The following CCDC85C variants were observed in gnomAD, a reference collection of about 807,000 sequenced individuals.
The protein encoded by CCDC85C is coiled-coil domain containing 85C.
A neutral mutation model predicts 38.3 loss-of-function variants in CCDC85C; 18 were observed. The ratio of observed to expected loss-of-function variants is 0.47; its 90% confidence interval spans 0.33 to 0.70. The LOEUF is 0.70. CCDC85C is among the 30% of genes least tolerant of loss of function. The probability of loss-of-function intolerance (pLI) is 0.03; values close to 1 mark genes in which losing one functional copy is unlikely to be tolerated. For synonymous variants in CCDC85C, 264 were observed against 293.8 expected (o/e 0.90, Z 1.04); for missense variants, 566 against 621.2 (o/e 0.91, Z 0.94).
chr14:99,510,410 C>T lies in CCDC85C; in HGVS notation c.*4836G>A. 6.4e-7 allele frequency: 1 copy of T among 1,554,092 alleles called. No individual in the cohort carries two copies. The highest frequency in any genetic ancestry group is 8.7e-7 in the Non-Finnish European group (1 of 1,149,832). On this transcript the variant is annotated 3_prime_UTR_variant, in exon 6 of 6. Transcript: ENST00000380243. The stretch of plus-strand genomic sequence containing the variant: ...CCATGATGAAGACCGAGGGACCCTC[C>T]TACGGTGCCCTGCCCCCCGCCTACG...
intron 1 of CCDC85C, among the ~76,000 whole-genome samples, chr14:99,566,997 C>A (rs1898228213): frequency 6.6e-6 from 1 of 152,194 alleles, no homozygotes; most frequent in Non-Finnish European, 1.5e-5. Context: ...GCTCCAGCCT[C>A]AAGAGGGCCC....
rs573818252 is a variant in CCDC85C at position 99,587,956 on chromosome 14, C to T, written c.793+15211G>A. Among the ~76,000 whole-genome samples, 201 of 152,334 alleles carry T rather than the reference C, an allele frequency of 1.3e-3. 1 individual carries two copies. Among genetic ancestry groups the T allele is most frequent in the African/African-American group, 4.5e-3 (187 of 41,572 alleles). On this transcript the variant is annotated intron_variant, in intron 1 of 5. Transcript: ENST00000380243. Reference sequence around the variant, plus strand: ...TGGCCAGCTTCTGCATCCCTGTTCTCGTGGAGAACGTGGCAAGCTCCAGTC... The same window carrying T: ...TGGCCAGCTTCTGCATCCCTGTTCTTGTGGAGAACGTGGCAAGCTCCAGTC...
At chr14:99,553,833 G>C (rs970935136) in intron 1 of CCDC85C, among the ~76,000 whole-genome samples, 1 of 152,210 alleles carries the variant, frequency 6.6e-6, no homozygotes, top group Non-Finnish European at 1.5e-5. Flanking sequence ...GAGGCTGAGG[G>C]CAGGGTCCAC....
At chr14:99,582,687 G>A (rs1344417120) in intron 1 of CCDC85C, among the ~76,000 whole-genome samples, 1 of 152,166 alleles carries the variant, frequency 6.6e-6, no homozygotes, top group South Asian at 2.1e-4. Context: ...GGTGGCGCAC[G>A]CCTGTAATCC....
chr14:99,589,891 C>A (rs574977611), intron 1 of CCDC85C, among the ~76,000 whole-genome samples: 1 of 152,356 alleles, frequency 6.6e-6, no homozygotes, highest in African/African-American at 2.4e-5. Context: ...GTGACCCCCT[C>A]CACCGCAGCC....
At chr14:99,534,896 C>T (rs941841733) in intron 2 of CCDC85C, 4 of 600,134 alleles carry the variant, frequency 6.7e-6, no homozygotes, top group East Asian at 5.6e-5. Context: ...TGTGCACTTG[C>T]GCCTGTATGG....
At position 99,603,900 on chromosome 14, in the gene CCDC85C, G is replaced by A. The variant is rs781185840; in HGVS notation, c.60C>T (p.Asp20=). ...AASEELSQVP[D]EELLRWSKEE... is the part of the protein sequence containing the mutation. ...CCTTGCTCCAGCGCAGCAGCTCCTC[G>A]TCCGGCACCTGGCTCAGCTCCTCCG... Residue 20 remains aspartate (D), a synonymous_variant, in exon 1 of 6, where the codon GAC becomes GAT. Transcript: ENST00000380243. This position sits in a 1 kb window ranked among gnomAD's most constrained non-coding sequence, Gnocchi z 7.5. The A allele has an allele frequency of 9.4e-6, 14 of 1,488,700 alleles. No homozygotes were observed. The South Asian group carries it at 1.8e-4, about 19-fold the overall frequency. 92.2% of individuals were successfully genotyped at this position (1,488,700 alleles called of 1,614,324 possible).
At chr14:99,518,884 C>T (rs1048599151) in intron 3 of CCDC85C, among the ~76,000 whole-genome samples, 6 of 152,222 alleles carry the variant, frequency 3.9e-5, no homozygotes, top group East Asian at 1.9e-4. Flanking sequence ...GGGCATGGCC[C>T]GGGATCCTGA....
intron 1 of CCDC85C, among the ~76,000 whole-genome samples, chr14:99,546,310 C>T (rs1897807513): frequency 6.6e-6 from 1 of 151,720 alleles, no homozygotes; most frequent in Non-Finnish European, 1.5e-5. Context: ...AGTGGGGAGG[C>T]GTGGGAGGGG....
Position 99,518,065 on chromosome 14 carries a change from C to T in CCDC85C, c.976-882G>A, listed in dbSNP as rs558979240. ...GGCCAACCATGGAAGCTGAGTCTGCCGCCCTCTCTGTAAATGGGGCCCTGA... is the reference window on the plus strand; with the variant it reads ...GGCCAACCATGGAAGCTGAGTCTGCTGCCCTCTCTGTAAATGGGGCCCTGA... On this transcript the variant is annotated intron_variant, in intron 3 of 5. Transcript: ENST00000380243. 2.4e-3 allele frequency among the ~76,000 whole-genome samples: 372 copies of T among 152,270 alleles called. 1 individual carries two copies. The highest frequency in any genetic ancestry group is 8.7e-3 in the African/African-American group (361 of 41,544).
intron 2 of CCDC85C, among the ~76,000 whole-genome samples, chr14:99,527,042 G>T (rs1897399003): frequency 6.6e-6 from 1 of 152,208 alleles, no homozygotes; most frequent in Non-Finnish European, 1.5e-5. Context: ...CAGGGCAGGG[G>T]TCAGGGCTGT....
At chr14:99,575,271 T>C (rs1244847578) in intron 1 of CCDC85C, among the ~76,000 whole-genome samples, 1 of 152,020 alleles carries the variant, frequency 6.6e-6, no homozygotes, top group Non-Finnish European at 1.5e-5. Flanking sequence ...GCCAGGGGAG[T>C]GCCAAGGCCC....
At chr14:99,579,724 G>C (rs1281496580) in intron 1 of CCDC85C, among the ~76,000 whole-genome samples, 1 of 152,120 alleles carries the variant, frequency 6.6e-6, no homozygotes, top group Non-Finnish European at 1.5e-5. Context: ...AGGCCTGGGG[G>C]AGTCCAGGGC....
At chr14:99,541,580 A>G (rs1262831422) in intron 1 of CCDC85C, among the ~76,000 whole-genome samples, 1 of 151,956 alleles carries the variant, frequency 6.6e-6, no homozygotes, top group Non-Finnish European at 1.5e-5. Flanking sequence ...AGGGGTGTCC[A>G]CTCTGCCGGT....
chr14:99,600,538 G>C (rs1488462323), intron 1 of CCDC85C, among the ~76,000 whole-genome samples: 1 of 152,188 alleles, frequency 6.6e-6, no homozygotes, highest in East Asian at 1.9e-4. Context: ...CAGCAAACAT[G>C]ACAACAGACC....
At chr14:99,585,412 C>A (rs8015386) in intron 1 of CCDC85C, among the ~76,000 whole-genome samples, 131,719 of 152,158 alleles carry the variant, frequency 0.87, 58,160 homozygotes, top group Non-Finnish European at 0.96. Context: ...GTCAAACCCC[C>A]GCTCTGCCGC....
intron 1 of CCDC85C, among the ~76,000 whole-genome samples, chr14:99,540,422 C>CG (rs1242007874): frequency 6.6e-6 from 1 of 152,174 alleles, no homozygotes; most frequent in East Asian, 1.9e-4. Flanking sequence ...GCCGGCTCCC[C>CG]GGGAGGACTG....
At chr14:99,549,962 A>G (rs1159319385) in intron 1 of CCDC85C, among the ~76,000 whole-genome samples, 1 of 152,212 alleles carries the variant, frequency 6.6e-6, no homozygotes, top group Non-Finnish European at 1.5e-5. Context: ...TGTTCAGAAG[A>G]GGCAGTGTAG....
intron 1 of CCDC85C, among the ~76,000 whole-genome samples, chr14:99,536,920 C>T (rs951239009): frequency 1.3e-5 from 2 of 152,220 alleles, no homozygotes; most frequent in African/African-American, 4.8e-5. Context: ...TGGGAGTCAG[C>T]TCAGCTGCCA....
Sources: allele counts gnomAD v4.1 joint callset (sites outside exome capture counted in the v4.1 genomes callset), GRCh38; gene constraint gnomAD v4.1.1; non-coding constraint Gnocchi (gnomAD v3.1); transcripts MANE v1.5; gene names NCBI Gene and HGNC (gene_info 2026-07-23, HGNC 2026-07-21).